Variants in TBL1X observed in about 807,000 individuals in gnomAD.
TBL1X encodes transducin beta like 1 X-linked.
In TBL1X, 10 loss-of-function variants were observed where a neutral mutation model predicts 50.7. The ratio of observed to expected loss-of-function variants is 0.20; its 90% CI spans 0.12 to 0.33. TBL1X has a LOEUF of 0.33. TBL1X is among the 10% of genes least tolerant of loss of function. The pLI is 1.00. For missense variants in TBL1X, 340 were observed against 504.4 expected (o/e 0.67, Z 3.12); for synonymous variants, 190 against 214.7 (o/e 0.88, Z 1.01).
intron 2 of TBL1X, among the ~76,000 whole-genome samples, chrX:9,626,202 T>C (rs1395313044): frequency 2.7e-5 from 3 of 111,629 alleles, no homozygotes; most frequent in African/African-American, 9.8e-5. Flanking sequence ...ATTCCTGACC[T>C]GGTAAGATGA....
At chrX:9,662,198 C>T (rs1294580578) in intron 5 of TBL1X, among the ~76,000 whole-genome samples, 6 of 111,461 alleles carry the variant, frequency 5.4e-5, no homozygotes, top group Non-Finnish European at 9.4e-5. Context: ...GTTGTGAGGA[C>T]AGTGGCTTGA....
intron 7 of TBL1X, among the ~76,000 whole-genome samples, chrX:9,688,862 G>A (rs1344946460): frequency 8.8e-6 from 1 of 113,625 alleles, no homozygotes; most frequent in African/African-American, 3.2e-5. Context: ...AGTTCAGAGC[G>A]AGCATATGTG....
intron 12 of TBL1X, 150 bp from the exon 13 acceptor site, chrX:9,704,843 C>T (rs1216737575): frequency 4.3e-6 from 4 of 925,400 alleles, no homozygotes; most frequent in Non-Finnish European, 5.9e-6. Context: ...CGCACCACTA[C>T]ACTCCAGCCT....
Position 9,653,693 on chromosome X carries a change from C to T in TBL1X, c.103+4C>T, listed in dbSNP as rs377641433. The T allele has an allele frequency of 8.6e-7, 1 of 1,166,098 alleles. No individual in the cohort carries two copies. The highest frequency in any genetic ancestry group is 1.1e-6 in the Non-Finnish European group (1 of 871,168). On this transcript the variant is annotated splice_donor_region_variant and intron_variant, in intron 4 of 17. Transcript: ENST00000645353. ...TTTCAACGTTTGCGAGGGAGAGGTA[C>T]TGCGGTTCCTCATGTGGCCAGGACC...
At chrX:9,534,308 CATCATTTAAGTGATGATTTTT>C (rs1172441989) in intron 2 of TBL1X, among the ~76,000 whole-genome samples, 1 of 111,533 alleles carries the variant, frequency 9.0e-6, no homozygotes, top group Non-Finnish European at 1.9e-5. Flanking sequence ...GAATTTCTTT[CATCATTTAAGTGATGATTTTT>C]TACTCATTGA....
chrX:9,664,415 C>A lies in TBL1X; in HGVS notation c.211+10093C>A, dbSNP rs768326566. Among the ~76,000 whole-genome samples the A allele has an allele frequency of 6.3e-5, 7 of 111,154 alleles. No individual in the cohort carries two copies. The East Asian group carries it at 2.0e-3, about 32-fold the overall frequency. On this transcript the variant is annotated intron_variant, in intron 5 of 17. Transcript: ENST00000645353. ...TGTGTAATGGATTCGAGTGGCAGCCCTATTAACTGAGAAATGGATGGCCAC... is the reference window on the plus strand; with the variant it reads ...TGTGTAATGGATTCGAGTGGCAGCCATATTAACTGAGAAATGGATGGCCAC...
intron 2 of TBL1X, among the ~76,000 whole-genome samples, chrX:9,551,718 A>G (rs1439470455): frequency 9.0e-6 from 1 of 111,112 alleles, no homozygotes; most frequent in East Asian, 2.8e-4. Context: ...AAGATATGGG[A>G]TGTTTTTCCA....
chrX:9,649,070 C>T (rs774924515), intron 3 of TBL1X, among the ~76,000 whole-genome samples: 1 of 111,704 alleles, frequency 9.0e-6, no homozygotes, highest in East Asian at 2.8e-4. Context: ...CCGGGACACC[C>T]AGCTGATGGA....
intron 1 of TBL1X, among the ~76,000 whole-genome samples, chrX:9,492,879 GTGTGTGTGTGTGTGT>G (rs1375927562): frequency 0.029 from 1,510 of 51,779 alleles, 68 homozygotes; most frequent in African/African-American, 0.082. Context: ...GTGTGTGTGT[GTGTGTGTGTGTGTGT>G]GTGTAGGGGA....
rs907826459 is a variant in TBL1X, at chrX:9,649,998, C to T, written c.-42-3547C>T. ...TAGAGAGGGCATCTCCCTATGTTGC[C>T]AAGGCTGGCCTCTAACTCCTAAGCT... is the stretch of plus-strand genomic sequence containing the variant. On this transcript the variant is annotated intron_variant, in intron 3 of 17. Coordinates refer to ENST00000645353, the MANE Select transcript of TBL1X (RefSeq NM_005647.4). Among the ~76,000 whole-genome samples the T allele has an allele frequency of 2.7e-5, 3 of 111,702 alleles. No individual in the cohort carries two copies. In the East Asian group the frequency reaches 8.4e-4, roughly 31 times the overall value.
chrX:9,558,224 A>T (rs1223270887), intron 2 of TBL1X, among the ~76,000 whole-genome samples: 1 of 112,695 alleles, frequency 8.9e-6, no homozygotes, highest in Non-Finnish European at 1.9e-5. Context: ...TGACAATTAA[A>T]AATTGGTTTT....
chrX:9,515,444 A>G (rs1292362502), intron 2 of TBL1X, among the ~76,000 whole-genome samples: 1 of 112,210 alleles, frequency 8.9e-6, no homozygotes, highest in Non-Finnish European at 1.9e-5. Flanking sequence ...AGGCAATGAG[A>G]TTGGAAATGG....
Position 9,716,402 on chromosome X carries a change from G to T in TBL1X, c.*156G>T. On this transcript the variant is annotated 3_prime_UTR_variant, in exon 18 of 18. Transcript: ENST00000645353. ...TGGCCGCAGGAGTCTATATGTTTTC[G>T]TAATCTTCATCAAGAAGTTTTTAAA... is the stretch of plus-strand genomic sequence containing the variant. 3.8e-6 allele frequency: 2 copies of T among 523,216 alleles called. No homozygotes were observed. Among genetic ancestry groups the T allele is most frequent in the Non-Finnish European group, 5.9e-6 (2 of 336,206 alleles). The allele number at this position is 523,216 out of a possible 1,213,427, so 43.1% of individuals were successfully genotyped here. A position where few individuals can be genotyped will look rare whatever the true frequency, so the allele number is the denominator to read the frequency against.
intron 5 of TBL1X, among the ~76,000 whole-genome samples, chrX:9,661,539 A>T (rs887965689): frequency 4.5e-5 from 5 of 111,083 alleles, no homozygotes; most frequent in Admixed American, 1.9e-4. Context: ...AAAAAGAAAG[A>T]GTCTTGCTGG....
intron 1 of TBL1X, among the ~76,000 whole-genome samples, chrX:9,472,935 A>C (rs1314209968): frequency 1.8e-5 from 2 of 110,935 alleles, no homozygotes; most frequent in African/African-American, 3.3e-5. Flanking sequence ...AATAATTTTA[A>C]GAACTGGAGG....
chrX:9,549,361 A>G (rs1029640138), intron 2 of TBL1X, among the ~76,000 whole-genome samples: 4 of 112,985 alleles, frequency 3.5e-5, no homozygotes, highest in African/African-American at 1.3e-4. Flanking sequence ...TTAAATGGCC[A>G]GGGTGAAAAA....
At chrX:9,576,037 T>G (rs564860535) in intron 2 of TBL1X, among the ~76,000 whole-genome samples, 31 of 111,912 alleles carry the variant, frequency 2.8e-4, no homozygotes, top group African/African-American at 9.8e-4. Context: ...GCTATCAAAG[T>G]ATTATAAGAA....
chrX:9,655,645 T>C (rs1203015384), intron 5 of TBL1X, among the ~76,000 whole-genome samples: 3 of 111,255 alleles, frequency 2.7e-5, no homozygotes, highest in African/African-American at 6.6e-5. Flanking sequence ...GCCCTTGATA[T>C]CAGATTGTAT....
chrX:9,672,725 T>C (rs186214781), intron 5 of TBL1X, among the ~76,000 whole-genome samples: 54 of 111,848 alleles, frequency 4.8e-4, no homozygotes, highest in Non-Finnish European at 7.1e-4. Flanking sequence ...CATACTGATA[T>C]TTTGAATGAC....
Sources: allele counts gnomAD v4.1 joint callset (sites outside exome capture counted in the v4.1 genomes callset), GRCh38; gene constraint gnomAD v4.1.1; transcripts MANE v1.5; gene names NCBI Gene and HGNC (gene_info 2026-07-23, HGNC 2026-07-21).